Variants in FNDC8 observed in about 807,000 individuals in gnomAD.
FNDC8 encodes the protein fibronectin type III domain-containing protein 8.
Under a neutral mutation model 24.8 loss-of-function variants are expected in FNDC8, and 23 were observed. That is an observed-to-expected ratio of 0.93 (90% CI 0.67 to 1.31). The LOEUF (loss-of-function observed/expected upper bound fraction) is 1.31, where lower values mean the gene tolerates loss of function less well. FNDC8 is among the 40% of genes most tolerant of loss of function. The pLI is 0.00. For missense variants in FNDC8, 371 were observed against 398.2 expected, an observed-to-expected ratio of 0.93 and a Z score of 0.58; for synonymous variants, 158 against 165.3, an observed-to-expected ratio of 0.96 and a Z score of 0.34.
chr17:35,125,034 C>T (rs1433859212), intron 1 of FNDC8, among the ~76,000 whole-genome samples: 11 of 125,774 alleles, frequency 8.7e-5, no homozygotes, highest in Non-Finnish European at 1.5e-4. Context: ...GGCGACAGAG[C>T]GAGACTCCAG....
chr17:35,130,579 G>T lies in FNDC8; in HGVS notation c.*145G>T. Reference sequence around the variant, plus strand: ...GGTATGGGCACCCCACCCCTGGGCTGGGGCCAAGGCTACATAGGGGCCCCA... The same window carrying T: ...GGTATGGGCACCCCACCCCTGGGCTTGGGCCAAGGCTACATAGGGGCCCCA... On this transcript the variant is annotated 3_prime_UTR_variant, in exon 4 of 4. Transcript: ENST00000158009. The T allele has an allele frequency of 1.1e-6, 1 of 869,746 alleles. No homozygotes were observed. The highest frequency in any genetic ancestry group is 1.7e-6 in the Non-Finnish European group (1 of 583,018). 53.9% of individuals were successfully genotyped at this position (869,746 alleles called of 1,614,324 possible).
intron 2 of FNDC8, 105 bp downstream of exon 2, chr17:35,127,522 A>T: frequency 7.5e-7 from 1 of 1,334,524 alleles, no homozygotes. Context: ...TGTCGACCTC[A>T]AGTTCACGGT....
At chr17:35,126,636 AG>A (rs775361153) in intron 1 of FNDC8, among the ~76,000 whole-genome samples, 1 of 151,192 alleles carries the variant, frequency 6.6e-6, no homozygotes, top group Non-Finnish European at 1.5e-5. Context: ...CCAAGTAGCT[AG>A]GATTACAGGT....
chr17:35,124,876 C>T (rs933038956), intron 1 of FNDC8, among the ~76,000 whole-genome samples: 1 of 151,258 alleles, frequency 6.6e-6, no homozygotes, highest in Non-Finnish European at 1.5e-5. Flanking sequence ...GGTAAAACCC[C>T]ATCTCTACTA....
rs754726646 is a variant in FNDC8, at chr17:35,121,776, T to C, written c.83T>C (p.Leu28Pro). Residue 28 changes from leucine to proline, a missense_variant, in exon 1 of 4, where the codon CTT becomes CCT. Leu to Pro is a moderately conservative substitution (Grantham distance 98). Coordinates refer to ENST00000158009, the MANE Select transcript of FNDC8 (RefSeq NM_017559.4). ...KKENFNMMNA[L>P]DQLPKPFSNP... ...GAAAACTTCAACATGATGAATGCCCTTGACCAACTGCCAAAACCCTTTTCA... is the reference window on the plus strand; with the variant it reads ...GAAAACTTCAACATGATGAATGCCCCTGACCAACTGCCAAAACCCTTTTCA... 6 of 1,613,754 alleles carry C rather than the reference T, an allele frequency of 3.7e-6. No homozygotes were observed. In the East Asian group the frequency reaches 1.3e-4, roughly 36 times the overall value.
At chr17:35,130,246 G>A in intron 3 of FNDC8, 36 bp from the exon 4 acceptor site, 1 of 1,607,024 alleles carries the variant, frequency 6.2e-7, no homozygotes, top group Non-Finnish European at 8.5e-7. Context: ...TCAGATCTGG[G>A]AAGGAACTCT....
Position 35,129,568 on chromosome 17 carries a change from G to C in FNDC8, c.732G>C (p.Lys244Asn), listed in dbSNP as rs755125254. ...ACAAGATTTTGGGCACTACTGTCAA[G>C]CTGATGGAGCTAAAGCCTAACACGT... Reference protein sequence around the residue: ...IFNKILGTTVKLMELKPNTCY... With the variant: ...IFNKILGTTVNLMELKPNTCY... Residue 244 changes from lysine to asparagine, a missense_variant, in exon 3 of 4, where the codon AAG becomes AAC. Transcript: ENST00000158009. The C allele has an allele frequency of 6.2e-7, 1 of 1,614,172 alleles. No homozygotes were observed. Among genetic ancestry groups the C allele is most frequent in the African/African-American group, 1.3e-5 (1 of 75,028 alleles).
chr17:35,121,936 T>A, intron 1 of FNDC8, 34 bp downstream of exon 1: 1 of 1,221,088 alleles, frequency 8.2e-7, no homozygotes, highest in Non-Finnish European at 1.1e-6. Context: ...CCTCCCTCCC[T>A]CCCTCCCTCC....
chr17:35,129,396 A>G (rs750910958), intron 2 of FNDC8, 26 bp from the exon 3 acceptor site: 11 of 1,608,564 alleles, frequency 6.8e-6, no homozygotes, highest in Non-Finnish European at 8.5e-6. Flanking sequence ...TATCTGAGGA[A>G]GCCTCGGGGC....
At chr17:35,124,188 C>A (rs2091840644) in intron 1 of FNDC8, among the ~76,000 whole-genome samples, 1 of 152,152 alleles carries the variant, frequency 6.6e-6, no homozygotes, top group African/African-American at 2.4e-5. Context: ...TGGATTGTGA[C>A]CTATTAATGG....
intron 2 of FNDC8, 131 bp from the exon 3 acceptor site, chr17:35,129,291 C>A: frequency 8.5e-7 from 1 of 1,179,748 alleles, no homozygotes; most frequent in Non-Finnish European, 1.2e-6. Context: ...CTTGCACCTT[C>A]CATCTGACCT....
chr17:35,126,431 G>A (rs2091849362), intron 1 of FNDC8, among the ~76,000 whole-genome samples: 1 of 151,734 alleles, frequency 6.6e-6, no homozygotes, highest in South Asian at 2.1e-4. Context: ...TTGGAGGGAG[G>A]ACTTGCCATT....
Position 35,127,265 on chromosome 17 carries a change from A to T in FNDC8, c.433A>T (p.Lys145Ter), listed in dbSNP as rs755630883. Residue 145 changes from lysine to a stop codon, truncating the protein, a stop_gained, in exon 2 of 4, where the codon AAG (lysine) becomes TAG (stop). Transcript: ENST00000158009. LOFTEE classifies it high-confidence loss of function. The part of the protein sequence containing the change: ...LALGPCPCPS[K>*]SQMATRGLLD... ...GCTCGGCCCCTGCCCATGCCCATCGAAGTCCCAGATGGCCACAAGGGGCCT... is the reference window on the plus strand; with the variant it reads ...GCTCGGCCCCTGCCCATGCCCATCGTAGTCCCAGATGGCCACAAGGGGCCT... 3.1e-6 allele frequency: 5 copies of T among 1,613,856 alleles called. No homozygotes were observed. The highest frequency in any genetic ancestry group is 4.2e-6 in the Non-Finnish European group (5 of 1,179,938).
chr17:35,129,504 A>G lies in FNDC8; in HGVS notation c.668A>G (p.Asn223Ser), dbSNP rs1339925424. The change falls in exon 3 of 4, where the codon AAT (asparagine) becomes AGT (serine). Residue 223 changes from asparagine to serine, a missense_variant. Physicochemically the swap from Asn to Ser is conservative, Grantham distance 46 (BLOSUM62 1). Coordinates refer to ENST00000158009, the MANE Select transcript of FNDC8 (RefSeq NM_017559.4). ...LLQEVAKTQE[N>S]ELPEAKNRPW... ...CAGGAGGTGGCCAAGACACAGGAGA[A>G]TGAGTTGCCCGAGGCAAAGAATCGT... is the stretch of plus-strand genomic sequence containing the variant. The G allele has an allele frequency of 2.5e-6, 4 of 1,614,080 alleles. No individual in the cohort carries two copies. The highest frequency in any genetic ancestry group is 3.4e-6 in the Non-Finnish European group (4 of 1,180,030).
rs2091870324 is a variant in FNDC8, at chr17:35,130,472, C to T, written c.*38C>T. 1 of 1,596,552 alleles carries T rather than the reference C, an allele frequency of 6.3e-7. No homozygotes were observed. On this transcript the variant is annotated 3_prime_UTR_variant, in exon 4 of 4. Coordinates refer to ENST00000158009, the MANE Select transcript of FNDC8 (RefSeq NM_017559.4). ...CAGGACACCCCTCACCTACTTTCAG[C>T]TTCAACCCCAGGCCCTCAGAAACCA...
intron 2 of FNDC8, 174 bp from the exon 3 acceptor site, chr17:35,129,248 G>T (rs541095137): frequency 2.1e-5 from 16 of 776,676 alleles, no homozygotes; most frequent in African/African-American, 3.5e-5. Flanking sequence ...TACATGCTTC[G>T]GGGCAGGGGT....
chr17:35,129,894 G>A (rs2091866139), intron 3 of FNDC8: 1 of 1,402,932 alleles, frequency 7.1e-7, no homozygotes, highest in Non-Finnish European at 9.3e-7. Context: ...TCACTATAAT[G>A]TTCCCCTTCC....
intron 2 of FNDC8, chr17:35,129,180 A>C: frequency 4.2e-6 from 2 of 473,716 alleles, no homozygotes; most frequent in Non-Finnish European, 7.7e-6. Context: ...CCCCTGGCGT[A>C]TAAGAAATAT....
chr17:35,129,934 C>A, intron 3 of FNDC8: 1 of 1,381,604 alleles, frequency 7.2e-7, no homozygotes, highest in Non-Finnish European at 9.4e-7. Context: ...CTCTGCAATT[C>A]AGTGCCCATG....
Sources: gnomAD v4.1 joint callset for allele counts (sites outside exome capture counted in the v4.1 genomes callset) on GRCh38, gnomAD v4.1.1 for gene constraint, MANE v1.5 for transcripts, NCBI Gene and HGNC (gene_info 2026-07-23, HGNC 2026-07-21) for gene names.